The following ARHGAP26 variants were observed in gnomAD, a reference collection of about 807,000 sequenced individuals.
ARHGAP26 encodes Rho GTPase activating protein 26, also known as rho GTPase-activating protein 26.
Under a neutral mutation model 104.8 loss-of-function variants are expected in ARHGAP26, and 38 were observed. That is an observed-to-expected ratio of 0.36 (90% confidence interval 0.28 to 0.48). ARHGAP26 has a LOEUF of 0.48. Among genes scored for constraint, ARHGAP26 ranks in the 20% least tolerant of loss-of-function variants. ARHGAP26 has a pLI of 0.99. For synonymous variants in ARHGAP26, 341 were observed against 340.0 expected (o/e 1.00, Z -0.03); for missense variants, 704 against 947.9 (o/e 0.74, Z 3.38).
intron 20 of ARHGAP26, among the ~76,000 whole-genome samples, chr5:143,198,661 C>T (rs1807228179): frequency 6.6e-6 from 1 of 152,094 alleles, no homozygotes; most frequent in Non-Finnish European, 1.5e-5. Context: ...AGAAAAGATT[C>T]GGATTATTGA....
chr5:143,046,549 C>T (rs1784265367), intron 14 of ARHGAP26, among the ~76,000 whole-genome samples: 1 of 152,162 alleles, frequency 6.6e-6, no homozygotes, highest in Non-Finnish European at 1.5e-5. Context: ...ATCCCTTCCT[C>T]CTAGCAACAG....
rs575117682 is a variant in ARHGAP26, at chr5:142,977,119, A to G, written c.1108-36961A>G. Among the ~76,000 whole-genome samples the G allele has an allele frequency of 9.8e-5, 15 of 152,324 alleles. No individual in the cohort carries two copies. The South Asian group carries it at 3.1e-3, about 32-fold the overall frequency. The stretch of plus-strand genomic sequence containing the variant: ...ACAGAGCTGAGGGAAGGAGTACACT[A>G]AAGGAAAATTGAGAAGTTTTAGTTA... On this transcript the variant is annotated intron_variant, in intron 11 of 22. Transcript: ENST00000645722.
intron 15 of ARHGAP26, among the ~76,000 whole-genome samples, chr5:143,055,076 C>G (rs1001328576): frequency 6.6e-6 from 1 of 152,142 alleles, no homozygotes; most frequent in Non-Finnish European, 1.5e-5. Flanking sequence ...TGCCTCCTTT[C>G]ATTATTAAAG....
intron 5 of ARHGAP26, among the ~76,000 whole-genome samples, chr5:142,893,071 G>A (rs530708905): frequency 3.0e-4 from 39 of 131,728 alleles, no homozygotes; most frequent in Non-Finnish European, 5.1e-4. Flanking sequence ...TGCAACCTCC[G>A]CCTCCTGGGT....
At chr5:142,967,025 A>T (rs1377280186) in intron 11 of ARHGAP26, among the ~76,000 whole-genome samples, 1 of 152,214 alleles carries the variant, frequency 6.6e-6, no homozygotes. Context: ...TGTATATGAT[A>T]CCACACATAG....
rs1421749362 is a variant in ARHGAP26 at position 143,214,065 on chromosome 5, C to T, written c.2168C>T (p.Thr723Ile). The T allele has an allele frequency of 2.5e-6, 4 of 1,581,656 alleles. No individual in the cohort carries two copies. The highest frequency in any genetic ancestry group is 1.7e-5 in the Admixed American group (1 of 57,694). Residue 723 changes from threonine (T) to isoleucine (I), a missense_variant, in exon 22 of 23, where the codon ACA (threonine) becomes ATA (isoleucine). Around this residue, in one of 6 missense-constraint regions of ARHGAP26, gnomAD observed 217 missense variants for 242.6 expected, o/e 0.89. Coordinates refer to ENST00000645722, the MANE Select transcript of ARHGAP26 (RefSeq NM_001135608.3). Reference sequence around the variant, plus strand: ...GAACATGACTCAGAACTTTCGTTCACAGCAGGCACGGTCTTCGATAACGGT... The same window carrying T: ...GAACATGACTCAGAACTTTCGTTCATAGCAGGCACGGTCTTCGATAACGGT... Reference protein sequence around the residue: ...KAEHDSELSFTAGTVFDNVHP... With the variant: ...KAEHDSELSFIAGTVFDNVHP...
intron 11 of ARHGAP26, among the ~76,000 whole-genome samples, chr5:143,001,852 T>C (rs1217447182): frequency 2.0e-5 from 3 of 152,222 alleles, no homozygotes; most frequent in African/African-American, 7.2e-5. Context: ...ATTCTCAGAA[T>C]CTCTTGTTGC....
intron 10 of ARHGAP26, among the ~76,000 whole-genome samples, chr5:142,931,674 A>G (rs1184896995): frequency 6.6e-6 from 1 of 152,158 alleles, no homozygotes; most frequent in Non-Finnish European, 1.5e-5. Flanking sequence ...ATTCACTTCC[A>G]CAAACATTTA....
chr5:142,932,742 A>G (rs969942180), intron 11 of ARHGAP26, among the ~76,000 whole-genome samples: 3 of 152,260 alleles, frequency 2.0e-5, no homozygotes, highest in Non-Finnish European at 4.4e-5. Context: ...TTACACAGGT[A>G]CTGTCCAAAG....
intron 1 of ARHGAP26, among the ~76,000 whole-genome samples, chr5:142,782,820 A>C (rs11738496): frequency 0.091 from 13,823 of 152,254 alleles, 945 homozygotes; most frequent in Non-Finnish European, 0.14. Context: ...TAGCAGTGTA[A>C]GCAGGCCTGT....
intron 20 of ARHGAP26, among the ~76,000 whole-genome samples, chr5:143,181,350 G>T (rs761513317): frequency 6.6e-6 from 1 of 152,302 alleles, no homozygotes; most frequent in Non-Finnish European, 1.5e-5. Context: ...TTGCACTTCT[G>T]CAACCTTGCC....
At chr5:142,856,494 A>T (rs997384701) in intron 1 of ARHGAP26, among the ~76,000 whole-genome samples, 4 of 152,168 alleles carry the variant, frequency 2.6e-5, no homozygotes, top group African/African-American at 9.7e-5. Flanking sequence ...GGTTTTGGTA[A>T]CAATATGACT....
At chr5:143,127,152 C>A (rs533952766) in intron 18 of ARHGAP26, among the ~76,000 whole-genome samples, 1 of 152,310 alleles carries the variant, frequency 6.6e-6, no homozygotes, top group South Asian at 2.1e-4. Flanking sequence ...AAACAAACTG[C>A]TTGCTTTTCA....
At chr5:142,953,825 A>G (rs145805595) in intron 11 of ARHGAP26, among the ~76,000 whole-genome samples, 81 of 152,280 alleles carry the variant, frequency 5.3e-4, no homozygotes, top group African/African-American at 1.9e-3. Context: ...TCTCTCCACC[A>G]TCTGCCTGAG....
At chr5:142,824,389 A>G (rs1766798526) in intron 1 of ARHGAP26, among the ~76,000 whole-genome samples, 1 of 152,172 alleles carries the variant, frequency 6.6e-6, no homozygotes. Context: ...TCTCTAAGAC[A>G]GGACAGAGCT....
chr5:142,786,146 CA>C (rs1444326644), intron 1 of ARHGAP26, among the ~76,000 whole-genome samples: 1 of 136,480 alleles, frequency 7.3e-6, no homozygotes, highest in African/African-American at 3.5e-5. Flanking sequence ...AATTAAAAAA[CA>C]TTTTTTTTTT....
intron 6 of ARHGAP26, among the ~76,000 whole-genome samples, 193 bp from the exon 7 acceptor site, chr5:142,901,742 A>G (rs1760370083): frequency 6.6e-6 from 1 of 152,228 alleles, no homozygotes; most frequent in African/African-American, 2.4e-5. Context: ...TGCTTAGGTC[A>G]TGGGATGTTG....
intron 10 of ARHGAP26, among the ~76,000 whole-genome samples, chr5:142,931,258 T>C (rs758857494): frequency 2.0e-5 from 3 of 152,238 alleles, no homozygotes; most frequent in Non-Finnish European, 4.4e-5. Context: ...AATGAAGAAC[T>C]CCTGCTTTAA....
intron 11 of ARHGAP26, among the ~76,000 whole-genome samples, chr5:143,003,228 C>T (rs1201443338): frequency 2.6e-5 from 4 of 152,180 alleles, no homozygotes; most frequent in Admixed American, 1.3e-4. Flanking sequence ...TGACCTACCA[C>T]CTACATGCTC....
Sources: gnomAD v4.1 joint callset for allele counts (sites outside exome capture counted in the v4.1 genomes callset) on GRCh38, gnomAD v4.1.1 for gene constraint, gnomAD v4.1.1 regional missense constraint, MANE v1.5 for transcripts, NCBI Gene and HGNC (gene_info 2026-07-23, HGNC 2026-07-21) for gene names.